Variants in ADGRF5 observed in about 807,000 individuals in gnomAD.
ADGRF5 encodes the protein adhesion G protein-coupled receptor F5.
In ADGRF5, 75 loss-of-function variants were observed where a neutral mutation model predicts 132.3. The ratio of observed to expected loss-of-function variants is 0.57; its 90% CI spans 0.47 to 0.69. The LOEUF (loss-of-function observed/expected upper bound fraction) is 0.69. Ranked by LOEUF, ADGRF5 falls within the 30% of genes least tolerant of loss-of-function variation. The pLI, the probability that ADGRF5 is intolerant of heterozygous loss-of-function variation, is 0.00. For synonymous variants in ADGRF5, 629 were observed against 597.6 expected (o/e 1.05, Z -0.77); for missense variants, 1,516 against 1,630.6 (o/e 0.93, Z 1.21).
Position 46,893,339 on chromosome 6 carries a change from C to A in ADGRF5, c.158-4834G>T, listed in dbSNP as rs1773855510. ...TGGAACAGTATCATGGTCCTATAGG[C>A]AAACAGAACATAGAGGCTGTGGCTG... On this transcript the variant is annotated intron_variant, in intron 3 of 20. Coordinates refer to ENST00000283296, the MANE Select transcript of ADGRF5 (RefSeq NM_001098518.2). Among the ~76,000 whole-genome samples the A allele has an allele frequency of 3.9e-5, 6 of 152,002 alleles. No individual in the cohort carries two copies. In the South Asian group the frequency reaches 1.2e-3, roughly 32 times the overall value.
chr6:46,889,215 G>T (rs1042277362), intron 3 of ADGRF5, among the ~76,000 whole-genome samples: 48 of 146,272 alleles, frequency 3.3e-4, no homozygotes, highest in South Asian at 1.7e-3. Flanking sequence ...AAAATATATA[G>T]AGAGAGTATA....
At chr6:46,925,409 A>C (rs72859820), upstream of ADGRF5, among the ~76,000 whole-genome samples, 1 of 152,146 alleles carries the variant, frequency 6.6e-6, no homozygotes, top group East Asian at 1.9e-4. Context: ...CTGGTACACT[A>C]TAATACACTT....
chr6:46,926,618 C>T (rs1289710492), upstream of ADGRF5, among the ~76,000 whole-genome samples: 1 of 152,176 alleles, frequency 6.6e-6, no homozygotes, highest in Non-Finnish European at 1.5e-5. Flanking sequence ...TCACATTCCA[C>T]TTTCAGCTCT....
intron 1 of ADGRF5, among the ~76,000 whole-genome samples, chr6:46,934,471 TTAAG>T (rs1427031764): frequency 6.6e-6 from 1 of 152,230 alleles, no homozygotes; most frequent in Admixed American, 6.5e-5. Context: ...AGTGAAATGT[TTAAG>T]TGTGAACTCA....
chr6:46,899,930 TG>T, intron 3 of ADGRF5, 98 bp downstream of exon 3: 1 of 840,830 alleles, frequency 1.2e-6, no homozygotes, highest in Admixed American at 1.8e-5. Context: ...CTGATGTGAT[TG>T]GAGGCTGAAT....
At chr6:46,877,268 TTTC>T (rs1185723547) in intron 10 of ADGRF5, among the ~76,000 whole-genome samples, 2 of 39,926 alleles carry the variant, frequency 5.0e-5, no homozygotes, top group African/African-American at 3.2e-4. Flanking sequence ...TCTTTCTTTC[TTTC>T]TTTCTTTCTT....
intron 1 of ADGRF5, among the ~76,000 whole-genome samples, chr6:46,938,995 C>T (rs113705814): frequency 0.044 from 6,619 of 152,016 alleles, 200 homozygotes; most frequent in African/African-American, 0.087. Flanking sequence ...CTCAGCCTCC[C>T]AAGTAGCTGG....
At chr6:46,954,565 T>A (rs1778651111) in intron 1 of ADGRF5, among the ~76,000 whole-genome samples, 1 of 152,116 alleles carries the variant, frequency 6.6e-6, no homozygotes, top group Non-Finnish European at 1.5e-5. Context: ...ATATGTCATA[T>A]CCCATCTCAC....
chr6:46,947,771 A>G (rs1043222893), intron 1 of ADGRF5, among the ~76,000 whole-genome samples: 1 of 152,192 alleles, frequency 6.6e-6, no homozygotes, highest in Admixed American at 6.5e-5. Flanking sequence ...TTTTACTAAC[A>G]TTCTCACATT....
At position 46,863,070 on chromosome 6, in the gene ADGRF5, CG is replaced by C. The variant is rs1769982448; in HGVS notation, c.2016del (p.Val673Ter). 6.2e-7 allele frequency: 1 copy of C among 1,613,760 alleles called. No individual in the cohort carries two copies. The highest frequency in any genetic ancestry group is 2.2e-5 in the East Asian group (1 of 44,870). ...VPGENITCQD[P>X]VIGVGEPGKV... ...TTCCCCGGCTCTCCGACACCTATTA[CG>C]GGATCCTGGCATGTGATGTTTTCCC... is the stretch of plus-strand genomic sequence containing the variant. On this transcript the variant is annotated frameshift_variant, in exon 15 of 21. Coordinates refer to ENST00000283296, the MANE Select transcript of ADGRF5 (RefSeq NM_001098518.2). LOFTEE classifies it high-confidence loss of function.
intron 10 of ADGRF5, among the ~76,000 whole-genome samples, chr6:46,872,785 C>T (rs1771225134): frequency 6.6e-6 from 1 of 152,174 alleles, no homozygotes; most frequent in African/African-American, 2.4e-5. Flanking sequence ...TTCCACCTTG[C>T]CTGCTGCCAT....
chr6:46,902,742 G>A (rs1774902514), intron 2 of ADGRF5, among the ~76,000 whole-genome samples: 1 of 152,162 alleles, frequency 6.6e-6, no homozygotes, highest in Non-Finnish European at 1.5e-5. Flanking sequence ...TGTCCAGTGG[G>A]AGCAGCCTAC....
At chr6:46,934,391 A>T (rs1185166169) in intron 1 of ADGRF5, among the ~76,000 whole-genome samples, 1 of 152,186 alleles carries the variant, frequency 6.6e-6, no homozygotes, top group Non-Finnish European at 1.5e-5. Context: ...TATTTGCTTG[A>T]CTAATTCTTT....
At chr6:46,898,614 T>G (rs1774420376) in intron 3 of ADGRF5, among the ~76,000 whole-genome samples, 1 of 152,100 alleles carries the variant, frequency 6.6e-6, no homozygotes, top group Non-Finnish European at 1.5e-5. Flanking sequence ...CCAAATAGTA[T>G]TTTAAGAGCT....
intron 1 of ADGRF5, among the ~76,000 whole-genome samples, chr6:46,918,420 TC>T (rs1776610343): frequency 6.6e-6 from 1 of 152,184 alleles, no homozygotes; most frequent in Non-Finnish European, 1.5e-5. Flanking sequence ...TTAAAAAACA[TC>T]CATGACTTAT....
chr6:46,929,356 A>C (rs915554817), intron 1 of ADGRF5, among the ~76,000 whole-genome samples: 2 of 151,502 alleles, frequency 1.3e-5, no homozygotes, highest in Admixed American at 6.6e-5. Context: ...GTCGGGGGAG[A>C]GGGGAGGGAT....
chr6:46,861,750 C>T (rs1178459173), intron 15 of ADGRF5, among the ~76,000 whole-genome samples: 2 of 152,280 alleles, frequency 1.3e-5, no homozygotes, highest in East Asian at 3.9e-4. Context: ...TAAGTATATG[C>T]TGAATGGATA....
chr6:46,878,025 G>A (rs1393337048), intron 10 of ADGRF5, among the ~76,000 whole-genome samples, 177 bp downstream of exon 10: 1 of 152,040 alleles, frequency 6.6e-6, no homozygotes, highest in Non-Finnish European at 1.5e-5. Flanking sequence ...ATATTTTTGG[G>A]GTCTTGTTCT....
chr6:46,943,632 A>G (rs1301038169), intron 1 of ADGRF5, among the ~76,000 whole-genome samples: 2 of 152,196 alleles, frequency 1.3e-5, no homozygotes, highest in Non-Finnish European at 2.9e-5. Flanking sequence ...TGAACTAGTT[A>G]GCTACTCCCA....
Sources: allele counts gnomAD v4.1 joint callset (sites outside exome capture counted in the v4.1 genomes callset), GRCh38; gene constraint gnomAD v4.1.1; transcripts MANE v1.5; gene names NCBI Gene and HGNC (gene_info 2026-07-23, HGNC 2026-07-21).